UBTD1: variants seen among roughly 807,000 people sequenced by gnomAD.
UBTD1 encodes ubiquitin domain-containing protein 1.
UBTD1 carries 19 observed loss-of-function variants against 21.7 expected under a neutral mutation model. The observed-to-expected ratio is 0.87, with a 90% CI of 0.61 to 1.28. The LOEUF is 1.28. Among genes scored for constraint, UBTD1 ranks in the 50% most tolerant of loss-of-function variants. The pLI, the probability that UBTD1 is intolerant of heterozygous loss-of-function variation, is 0.00. For synonymous variants in UBTD1, 116 were observed against 135.1 expected, an observed-to-expected ratio of 0.86 and a Z score of 0.98; for missense variants, 282 against 315.1, an observed-to-expected ratio of 0.89 and a Z score of 0.80.
chr10:97,556,723 C>T (rs1293304709), intron 1 of UBTD1, among the ~76,000 whole-genome samples: 2 of 152,238 alleles, frequency 1.3e-5, no homozygotes, highest in Non-Finnish European at 2.9e-5. Flanking sequence ...GCCAATTACA[C>T]AGCTACCTGT....
In UBTD1 at chr10:97,570,199, G is replaced by T; in HGVS notation, c.360G>T (p.Leu120=). The T allele has an allele frequency of 6.2e-7, 1 of 1,613,094 alleles. No homozygotes were observed. The highest frequency in any genetic ancestry group is 8.5e-7 in the Non-Finnish European group (1 of 1,179,884). The change falls in exon 3 of 3, where the codon CTG becomes CTT. Residue 120 remains leucine, a synonymous_variant. Coordinates refer to ENST00000370664, the MANE Select transcript of UBTD1 (RefSeq NM_024954.5). This position sits in a 1 kb window ranked among gnomAD's most constrained non-coding sequence, Gnocchi z 6.6. The part of the protein sequence containing the change: ...GNRYQLPIYC[L]SPPVNLLLEH... ...GCTACCAGCTGCCCATCTACTGCCT[G>T]TCACCGCCGGTGAACCTGCTGCTGG...
At chr10:97,541,197 C>T (rs1043361568) in intron 1 of UBTD1, among the ~76,000 whole-genome samples, 18 of 152,242 alleles carry the variant, frequency 1.2e-4, no homozygotes, top group Admixed American at 3.9e-4. Flanking sequence ...AAATATCTTA[C>T]CAGGCACGGT....
Position 97,570,926 on chromosome 10 carries a change from C to T in UBTD1, c.*403C>T, listed in dbSNP as rs938459434. Reference sequence around the variant, plus strand: ...CTCTGCCCCCATCCCCTGGCTCTCCCCTGGGCACAGTGCCACTCCCTTGGA... The same window carrying T: ...CTCTGCCCCCATCCCCTGGCTCTCCTCTGGGCACAGTGCCACTCCCTTGGA... On this transcript the variant is annotated 3_prime_UTR_variant, in exon 3 of 3. Transcript: ENST00000370664. This position sits in a 1 kb window ranked among gnomAD's most constrained non-coding sequence, Gnocchi z 6.6. 17 of 185,172 alleles carry T rather than the reference C, an allele frequency of 9.2e-5. No individual in the cohort carries two copies. Among genetic ancestry groups the T allele is most frequent in the Non-Finnish European group, 1.9e-4 (16 of 86,272 alleles). 11.5% of individuals were successfully genotyped at this position (185,172 alleles called of 1,614,324 possible).
intron 1 of UBTD1, among the ~76,000 whole-genome samples, chr10:97,524,465 C>T (rs967274699): frequency 1.8e-4 from 27 of 152,152 alleles, no homozygotes; most frequent in Admixed American, 1.5e-3. Context: ...CTGATACTCC[C>T]AAATCGTAGG....
chr10:97,511,328 AG>A (rs1463096369), intron 1 of UBTD1, among the ~76,000 whole-genome samples: 1 of 151,924 alleles, frequency 6.6e-6, no homozygotes, highest in Non-Finnish European at 1.5e-5. Context: ...GTGTGTCTTG[AG>A]GGGGTGGGGG....
chr10:97,540,619 A>T (rs2040583000), intron 1 of UBTD1, among the ~76,000 whole-genome samples: 1 of 152,238 alleles, frequency 6.6e-6, no homozygotes, highest in Admixed American at 6.5e-5. Flanking sequence ...CTAGATACGG[A>T]AACTGAGGTT....
At chr10:97,568,252 C>T (rs1241317225) in intron 2 of UBTD1, 111 bp downstream of exon 2, 6 of 1,123,904 alleles carry the variant, frequency 5.3e-6, no homozygotes, top group Non-Finnish European at 7.7e-6. Flanking sequence ...CTCACGTATT[C>T]ATTCATTCAA....
chr10:97,536,495 C>T (rs2040562597), intron 1 of UBTD1, among the ~76,000 whole-genome samples: 1 of 152,200 alleles, frequency 6.6e-6, no homozygotes, highest in Non-Finnish European at 1.5e-5. Flanking sequence ...AAAATGACCC[C>T]TGCCCACCAT....
chr10:97,551,696 C>T (rs891528399), intron 1 of UBTD1, among the ~76,000 whole-genome samples: 10 of 152,294 alleles, frequency 6.6e-5, no homozygotes, highest in Admixed American at 4.6e-4. Flanking sequence ...TCAGCACCAC[C>T]GTCGGCTCCC....
chr10:97,549,357 T>C (rs2040625763), intron 1 of UBTD1, among the ~76,000 whole-genome samples: 2 of 152,238 alleles, frequency 1.3e-5, no homozygotes, highest in African/African-American at 4.8e-5. Flanking sequence ...TGCAGACAGC[T>C]CTGTCTACTC....
rs967165535 is a variant in UBTD1 at position 97,499,050 on chromosome 10, C to T, written c.-154C>T. 20 of 830,738 alleles carry T rather than the reference C, an allele frequency of 2.4e-5. No individual in the cohort carries two copies. The African/African-American group carries it at 3.5e-4, about 14-fold the overall frequency. The allele number at this position is 830,738 out of a possible 1,614,324, so 51.5% of individuals were successfully genotyped here. On this transcript the variant is annotated 5_prime_UTR_variant, in exon 1 of 3. Transcript: ENST00000370664. ...TCTCCCCTGGCCCGCAAAGTTTTGG[C>T]GGAGCCATCGCTGGGGCTGAGCGCG... is the stretch of plus-strand genomic sequence containing the variant.
chr10:97,499,106 G>A lies in UBTD1; in HGVS notation c.-98G>A, dbSNP rs1048518839. 1.5e-6 allele frequency: 2 copies of A among 1,355,818 alleles called. No individual in the cohort carries two copies. The highest frequency in any genetic ancestry group is 2.0e-6 in the Non-Finnish European group (2 of 1,017,152). The allele number at this position is 1,355,818 out of a possible 1,614,324, so 84.0% of individuals were successfully genotyped here. A position where few individuals can be genotyped will look rare whatever the true frequency, so the allele number is the denominator to read the frequency against. ...GGGGGGAGATCGGGGAGCGCCCGAT[G>A]CCGGGCGGCCGGAGCCATTGACCCG... On this transcript the variant is annotated 5_prime_UTR_variant, in exon 1 of 3. The change abolishes an upstream ATG in the 5' untranslated region. Transcript: ENST00000370664.
chr10:97,503,154 A>C (rs2040384582), intron 1 of UBTD1, among the ~76,000 whole-genome samples: 1 of 152,110 alleles, frequency 6.6e-6, no homozygotes, highest in South Asian at 2.1e-4. Flanking sequence ...GGCCTCAAGT[A>C]ATCTTCTTAT....
chr10:97,520,119 G>A (rs2040460851), intron 1 of UBTD1, among the ~76,000 whole-genome samples: 1 of 152,140 alleles, frequency 6.6e-6, no homozygotes, highest in East Asian at 1.9e-4. Flanking sequence ...TCCTTCATCT[G>A]TTACATAGAT....
At chr10:97,528,535 A>C (rs1288293307) in intron 1 of UBTD1, among the ~76,000 whole-genome samples, 79 of 45,380 alleles carry the variant, frequency 1.7e-3, no homozygotes, top group Middle Eastern at 0.019. Context: ...GCTGACCCCC[A>C]ACCTCCCTCC....
chr10:97,548,853 G>T (rs2040623354), intron 1 of UBTD1, among the ~76,000 whole-genome samples: 1 of 152,168 alleles, frequency 6.6e-6, no homozygotes, highest in South Asian at 2.1e-4. Context: ...TATCAGATAG[G>T]CCAGTTTTCC....
At chr10:97,518,974 G>A (rs2040455873) in intron 1 of UBTD1, among the ~76,000 whole-genome samples, 1 of 152,214 alleles carries the variant, frequency 6.6e-6, no homozygotes, top group African/African-American at 2.4e-5. Flanking sequence ...GCCCAGAGAG[G>A]TTGTGTAATT....
intron 1 of UBTD1, among the ~76,000 whole-genome samples, chr10:97,560,677 AG>A (rs2040688279): frequency 6.6e-6 from 1 of 152,056 alleles, no homozygotes; most frequent in Non-Finnish European, 1.5e-5. Flanking sequence ...TTTCACACAA[AG>A]TTCTAAGTTT....
At chr10:97,540,175 A>AT (rs1018931826) in intron 1 of UBTD1, among the ~76,000 whole-genome samples, 11 of 152,256 alleles carry the variant, frequency 7.2e-5, no homozygotes, top group African/African-American at 2.4e-4. Context: ...GTTTTTTCAC[A>AT]TTTTTTTGTG....
Sources: gnomAD v4.1 joint callset for allele counts (sites outside exome capture counted in the v4.1 genomes callset) on GRCh38, gnomAD v4.1.1 for gene constraint, Gnocchi (gnomAD v3.1) non-coding constraint, MANE v1.5 for transcripts, NCBI Gene and HGNC (gene_info 2026-07-23, HGNC 2026-07-21) for gene names.